ACAD11: variants seen among roughly 807,000 people sequenced by gnomAD.
ACAD11 encodes the protein acyl-Coenzyme A dehydrogenase family, member 11.
Under a neutral mutation model 102.2 loss-of-function variants are expected in ACAD11, and 83 were observed. The ratio of observed to expected loss-of-function variants is 0.81; its 90% CI spans 0.68 to 0.97. The LOEUF (loss-of-function observed/expected upper bound fraction) is 0.97. ACAD11 is among the 50% of genes least tolerant of loss of function. The pLI is 0.00. For missense variants in ACAD11, 901 were observed against 951.7 expected, an observed-to-expected ratio of 0.95 and a Z score of 0.70; for synonymous variants, 324 against 319.8, an observed-to-expected ratio of 1.01 and a Z score of -0.14.
At chr3:132,634,799 G>GC (rs1245131871) in intron 5 of ACAD11, among the ~76,000 whole-genome samples, 2 of 149,726 alleles carry the variant, frequency 1.3e-5, no homozygotes, top group African/African-American at 4.9e-5. Context: ...GCAAACTATC[G>GC]CAAGGACAAA....
chr3:132,590,540 C>T (rs1938033477), intron 13 of ACAD11, among the ~76,000 whole-genome samples: 1 of 152,160 alleles, frequency 6.6e-6, no homozygotes, highest in African/African-American at 2.4e-5. Flanking sequence ...ATCCACCGTG[C>T]CCGGCCAGTA....
intron 4 of ACAD11, 66 bp downstream of exon 4, chr3:132,641,906 G>A: frequency 1.4e-6 from 2 of 1,385,224 alleles, no homozygotes; most frequent in Non-Finnish European, 1.9e-6. Flanking sequence ...AGCTTTTTTT[G>A]TTGACTAATA....
rs1263026657 is a variant in ACAD11, at chr3:132,629,197, C to T, written c.964-751G>A. 4.6e-5 allele frequency among the ~76,000 whole-genome samples: 7 copies of T among 152,146 alleles called. No individual in the cohort carries two copies. The East Asian group carries it at 5.8e-4, about 13-fold the overall frequency. The stretch of plus-strand genomic sequence containing the variant: ...TTTTTGAGATGGAGCCTCACTCTGT[C>T]GCCCAGGCTGGAGTGCAGTGGCATG... On this transcript the variant is annotated intron_variant, in intron 7 of 19. Coordinates refer to ENST00000264990, the MANE Select transcript of ACAD11 (RefSeq NM_032169.5).
chr3:132,594,742 G>A (rs1037269605), intron 13 of ACAD11, among the ~76,000 whole-genome samples: 1 of 152,142 alleles, frequency 6.6e-6, no homozygotes, highest in Non-Finnish European at 1.5e-5. Context: ...TGGGAAGAGT[G>A]CTCTAGACAG....
chr3:132,598,308 C>A (rs1319437824), intron 13 of ACAD11, among the ~76,000 whole-genome samples: 2 of 152,132 alleles, frequency 1.3e-5, no homozygotes, highest in African/African-American at 4.8e-5. Flanking sequence ...GTGCTAGTAG[C>A]CAACATAGTG....
intron 13 of ACAD11, 46 bp from the exon 14 acceptor site, chr3:132,579,604 G>C: frequency 6.6e-7 from 1 of 1,513,916 alleles, no homozygotes; most frequent in Non-Finnish European, 9.2e-7. Flanking sequence ...GAAATTTCTA[G>C]TTTGACATTT....
At chr3:132,658,937 A>G (rs1937972957) in intron 1 of ACAD11, among the ~76,000 whole-genome samples, 1 of 152,226 alleles carries the variant, frequency 6.6e-6, no homozygotes, top group African/African-American at 2.4e-5. Context: ...ACAGCAAGTG[A>G]CAGATCCAGT....
At chr3:132,580,532 T>A (rs1396403898) in intron 13 of ACAD11, among the ~76,000 whole-genome samples, 1 of 152,018 alleles carries the variant, frequency 6.6e-6, no homozygotes, top group African/African-American at 2.4e-5. Flanking sequence ...TTTTAGACCT[T>A]ACTTAGATCC....
chr3:132,610,837 C>T (rs1271271629), intron 11 of ACAD11, among the ~76,000 whole-genome samples: 1 of 151,984 alleles, frequency 6.6e-6, no homozygotes, highest in Non-Finnish European at 1.5e-5. Flanking sequence ...TATTCCTATT[C>T]ATGGAAAAAG....
At chr3:132,617,771 A>G (rs1365538101) in intron 11 of ACAD11, among the ~76,000 whole-genome samples, 2 of 152,216 alleles carry the variant, frequency 1.3e-5, no homozygotes, top group Non-Finnish European at 2.9e-5. Context: ...GAAGCTCAAA[A>G]TATGAGGCCC....
chr3:132,580,722 T>C (rs916490181), intron 13 of ACAD11, among the ~76,000 whole-genome samples: 1 of 152,030 alleles, frequency 6.6e-6, no homozygotes, highest in Non-Finnish European at 1.5e-5. Context: ...AGAAATGACA[T>C]GATGTCTGAG....
chr3:132,630,017 A>G (rs1939974590), intron 7 of ACAD11, among the ~76,000 whole-genome samples: 1 of 152,124 alleles, frequency 6.6e-6, no homozygotes, highest in South Asian at 2.1e-4. Context: ...TATACTAGAT[A>G]CTGTGCTAGC....
intron 17 of ACAD11, among the ~76,000 whole-genome samples, chr3:132,570,379 T>C (rs1412070212): frequency 6.6e-6 from 1 of 152,154 alleles, no homozygotes; most frequent in South Asian, 2.1e-4. Flanking sequence ...AAAATGTTCA[T>C]CAAGATGAGT....
At position 132,575,914 on chromosome 3, in the gene ACAD11, C is replaced by T; in HGVS notation, c.1859G>A (p.Gly620Glu). Residue 620 changes from glycine (G) to glutamate (E), a missense_variant, in exon 17 of 20, where the codon GGA becomes GAA. By Grantham distance (98) the Gly-to-Glu change is moderately conservative. Coordinates refer to ENST00000264990, the MANE Select transcript of ACAD11 (RefSeq NM_032169.5). ...ATNLILGEGR[G>E]FEISQGRLGP... is the part of the protein sequence containing the mutation. ...AAGGCGGCCTTGGGAAATTTCAAAT[C>T]CCCTACCTTCACCTGGGAAGAAAGG... The T allele has an allele frequency of 2.5e-6, 4 of 1,613,936 alleles. No homozygotes were observed. The highest frequency in any genetic ancestry group is 3.4e-6 in the Non-Finnish European group (4 of 1,179,906).
chr3:132,574,014 GAA>G (rs1937455672), intron 17 of ACAD11, among the ~76,000 whole-genome samples: 1 of 152,176 alleles, frequency 6.6e-6, no homozygotes, highest in Non-Finnish European at 1.5e-5. Context: ...TGCCAGATGT[GAA>G]AAGTTTCCAG....
At chr3:132,583,291 G>A (rs981988427) in intron 13 of ACAD11, among the ~76,000 whole-genome samples, 11 of 152,246 alleles carry the variant, frequency 7.2e-5, no homozygotes, top group African/African-American at 1.9e-4. Context: ...GGGTGTATGC[G>A]TCGAGGAATT....
At chr3:132,619,916 G>A (rs1391185586) in intron 9 of ACAD11, among the ~76,000 whole-genome samples, 1 of 152,164 alleles carries the variant, frequency 6.6e-6, no homozygotes, top group East Asian at 1.9e-4. Flanking sequence ...TTCCTTGGAG[G>A]CCAGAAACAA....
rs753469798 is a variant in ACAD11 at position 132,561,085 on chromosome 3, G to A, written c.2118+16C>T. 1.3e-6 allele frequency: 2 copies of A among 1,598,744 alleles called. No individual in the cohort carries two copies. Among genetic ancestry groups the A allele is most frequent in the South Asian group, 2.2e-5 (2 of 90,774 alleles). On this transcript the variant is annotated intron_variant, in intron 18 of 19. Coordinates refer to ENST00000264990, the MANE Select transcript of ACAD11 (RefSeq NM_032169.5). The stretch of plus-strand genomic sequence containing the variant: ...GGCTCAGCAGTTGGTGGTCTGAGGG[G>A]AGAAGGTAGCCTCACCTCTTTCTTA...
At chr3:132,623,996 C>T (rs1302754463) in intron 9 of ACAD11, among the ~76,000 whole-genome samples, 3 of 151,234 alleles carry the variant, frequency 2.0e-5, no homozygotes, top group African/African-American at 7.3e-5. Flanking sequence ...CCCACCACCC[C>T]CCACCACCCT....
Sources: allele counts gnomAD v4.1 joint callset (sites outside exome capture counted in the v4.1 genomes callset), GRCh38; gene constraint gnomAD v4.1.1; transcripts MANE v1.5; gene names NCBI Gene and HGNC (gene_info 2026-07-23, HGNC 2026-07-21).